MSANTD7: variants seen among roughly 807,000 people sequenced by gnomAD.
MSANTD7 encodes Myb/SANT DNA binding domain containing 7, also known as zinc finger and SCAN domain containing 29.
the MSANTD7 span, chr10:14,845,405 T>C: frequency 3.0e-6 from 3 of 985,186 alleles, no homozygotes; most frequent in Non-Finnish European, 3.6e-6. Context: ...GGTGGAGAAA[T>C]GGTCAGAGCA....
the MSANTD7 span, among the ~76,000 whole-genome samples, chr10:14,840,437 T>G: frequency 6.6e-6 from 1 of 152,210 alleles, no homozygotes; most frequent in African/African-American, 2.4e-5. Flanking sequence ...TTTTAGATTT[T>G]TTTTAACTGA....
chr10:14,842,218 C>G, the MSANTD7 span: 1 of 1,535,554 alleles, frequency 6.5e-7, no homozygotes, highest in South Asian at 1.2e-5. The surrounding 1 kb of genome is among the most constrained non-coding windows in gnomAD (Gnocchi z 5.2). Flanking sequence ...GCACACAGAG[C>G]TTCCCCACAC....
the MSANTD7 span, chr10:14,840,061 AT>A: frequency 0.32 from 373,456 of 1,154,284 alleles, 59,183 homozygotes; most frequent in African/African-American, 0.7. Flanking sequence ...TATATATATT[AT>A]TTTTTTTTTC....
the MSANTD7 span, chr10:14,838,375 T>C: frequency 6.3e-7 from 1 of 1,587,318 alleles, no homozygotes; most frequent in Non-Finnish European, 8.5e-7. Flanking sequence ...GACCCCCTCA[T>C]TCCTGCCGCT....
At chr10:14,845,588 T>A in the MSANTD7 span, 16 of 933,296 alleles carry the variant, frequency 1.7e-5, no homozygotes, top group Non-Finnish European at 2.0e-5. Flanking sequence ...TGCCCTTTTC[T>A]ATTATTATTA....
the MSANTD7 span, chr10:14,846,508 A>T: frequency 1.0e-6 from 1 of 985,398 alleles, no homozygotes; most frequent in Non-Finnish European, 1.2e-6. Flanking sequence ...GGAAATTGGA[A>T]TACAGGGAGA....
chr10:14,838,503 CG>C, the MSANTD7 span: 1 of 1,540,996 alleles, frequency 6.5e-7, no homozygotes, highest in East Asian at 2.4e-5. Context: ...GACGGCCACC[CG>C]GTTTTCTGGC....
the MSANTD7 span, chr10:14,842,111 CTCAT>C: frequency 2.0e-6 from 3 of 1,508,636 alleles, no homozygotes; most frequent in Non-Finnish European, 2.7e-6. The surrounding 1 kb of genome is among the most constrained non-coding windows in gnomAD (Gnocchi z 5.2). Context: ...TCCTGTAACT[CTCAT>C]TCCCCTGTGG....
chr10:14,839,857 G>A, the MSANTD7 span: 247 of 1,402,284 alleles, frequency 1.8e-4, 1 homozygote, highest in Non-Finnish European at 1.8e-4. Flanking sequence ...AAATGCACAC[G>A]TCTGAATACG....
the MSANTD7 span, chr10:14,846,496 AG>A: frequency 1.0e-6 from 1 of 985,368 alleles, no homozygotes. Context: ...TATTAAGGGG[AG>A]GGAAATTGGA....
At chr10:14,846,965 C>G in the MSANTD7 span, 1 of 985,358 alleles carries the variant, frequency 1.0e-6, no homozygotes. Context: ...TTCGGTAATC[C>G]TGGTGTGGAC....
At chr10:14,840,983 C>T in the MSANTD7 span, among the ~76,000 whole-genome samples, 7 of 152,178 alleles carry the variant, frequency 4.6e-5, no homozygotes, top group South Asian at 2.1e-4. Context: ...TCCTCACCCT[C>T]GGCCCCAGGT....
chr10:14,840,248 G>GT, the MSANTD7 span: 1 of 591,078 alleles, frequency 1.7e-6, no homozygotes, highest in Non-Finnish European at 2.6e-6. Flanking sequence ...AAACAGCATA[G>GT]TTTGTTTCTT....
At chr10:14,845,901 T>G in the MSANTD7 span, 1 of 514,860 alleles carries the variant, frequency 1.9e-6, no homozygotes, top group Non-Finnish European at 2.5e-6. Flanking sequence ...ATTGAGGGAT[T>G]TGTATTAGAT....
At chr10:14,843,964 C>T in the MSANTD7 span, 1 of 1,510,472 alleles carries the variant, frequency 6.6e-7, no homozygotes, top group African/African-American at 1.4e-5. Flanking sequence ...CTTCTGAATC[C>T]CTGGCTCCTT....
the MSANTD7 span, among the ~76,000 whole-genome samples, chr10:14,841,715 C>T: frequency 2.6e-5 from 4 of 152,196 alleles, no homozygotes; most frequent in African/African-American, 7.2e-5. Flanking sequence ...AACTTAAACT[C>T]ACTTTTCTGG....
the MSANTD7 span, chr10:14,839,899 C>G: frequency 6.2e-7 from 1 of 1,610,326 alleles, no homozygotes; most frequent in Non-Finnish European, 8.5e-7. Context: ...GTGTTTTTTT[C>G]TCTAGGATGG....
the MSANTD7 span, chr10:14,844,772 C>G: frequency 1.0e-6 from 1 of 983,876 alleles, no homozygotes; most frequent in Non-Finnish European, 1.2e-6. Context: ...CCTTTATATG[C>G]CTAAATTACA....
the MSANTD7 span, chr10:14,844,870 TTTCTG>T: frequency 3.0e-6 from 3 of 985,426 alleles, no homozygotes; most frequent in Non-Finnish European, 3.6e-6. Context: ...ATTTCATTCT[TTTCTG>T]TTATTTTTTT....
Sources: gnomAD v4.1 joint callset for allele counts (sites outside exome capture counted in the v4.1 genomes callset) on GRCh38, gnomAD v4.1.1 for gene constraint, Gnocchi (gnomAD v3.1) non-coding constraint, MANE v1.5 for transcripts, NCBI Gene and HGNC (gene_info 2026-07-23, HGNC 2026-07-21) for gene names.